Variants in MAPKAP1 observed in about 807,000 individuals in gnomAD.
MAPKAP1 encodes the protein target of rapamycin complex 2 subunit MAPKAP1.
A neutral mutation model predicts 65.7 loss-of-function variants in MAPKAP1; 20 were observed. The ratio of observed to expected loss-of-function variants is 0.30; its 90% CI spans 0.21 to 0.44. The LOEUF (loss-of-function observed/expected upper bound fraction) is 0.44, where lower values mean the gene tolerates loss of function less well. Among genes scored for constraint, MAPKAP1 ranks in the 20% least tolerant of loss-of-function variants. The pLI, the probability that MAPKAP1 is intolerant of heterozygous loss-of-function variation, is 1.00. For synonymous variants in MAPKAP1, 222 were observed against 244.3 expected (o/e 0.91, Z 0.85); for missense variants, 423 against 648.0 (o/e 0.65, Z 3.77).
At chr9:125,512,580 A>AT (rs909302384) in intron 7 of MAPKAP1, among the ~76,000 whole-genome samples, 75 of 148,420 alleles carry the variant, frequency 5.1e-4, no homozygotes, top group African/African-American at 6.7e-4. Flanking sequence ...ATGTATACAT[A>AT]TTTTTTTTTT....
intron 5 of MAPKAP1, among the ~76,000 whole-genome samples, chr9:125,576,583 G>A (rs1831407906): frequency 1.3e-5 from 2 of 152,186 alleles, no homozygotes; most frequent in Non-Finnish European, 2.9e-5. Flanking sequence ...AAGCTGGACT[G>A]TACTGCTGCC....
intron 5 of MAPKAP1, among the ~76,000 whole-genome samples, chr9:125,576,504 C>A (rs943242622): frequency 6.6e-6 from 1 of 150,768 alleles, no homozygotes; most frequent in East Asian, 1.9e-4. Context: ...CTCCCTCTCC[C>A]CACGGTCTCC....
At chr9:125,629,714 A>G (rs557178648) in intron 4 of MAPKAP1, among the ~76,000 whole-genome samples, 5 of 152,338 alleles carry the variant, frequency 3.3e-5, no homozygotes, top group Admixed American at 2.0e-4. Flanking sequence ...TTACTACCAT[A>G]TTGAACACTT....
At chr9:125,441,200 T>C (rs1461715692) in intron 11 of MAPKAP1, among the ~76,000 whole-genome samples, 1 of 152,156 alleles carries the variant, frequency 6.6e-6, no homozygotes, top group African/African-American at 2.4e-5. Flanking sequence ...CCTCCATCAC[T>C]CAATCACGAG....
At chr9:125,513,730 C>T (rs1215474321) in intron 7 of MAPKAP1, among the ~76,000 whole-genome samples, 2 of 152,168 alleles carry the variant, frequency 1.3e-5, no homozygotes, top group African/African-American at 4.8e-5. Flanking sequence ...TTAGGTAGAT[C>T]CCTAGCCTAT....
intron 8 of MAPKAP1, among the ~76,000 whole-genome samples, chr9:125,499,017 G>A (rs551493693): frequency 1.3e-5 from 2 of 152,222 alleles, no homozygotes; most frequent in Admixed American, 6.5e-5. Flanking sequence ...GCTGTTCTAC[G>A]AGCTGTATGA....
At chr9:125,703,682 GA>G (rs1204636627) in intron 1 of MAPKAP1, among the ~76,000 whole-genome samples, 2 of 150,024 alleles carry the variant, frequency 1.3e-5, no homozygotes, top group African/African-American at 2.5e-5. Flanking sequence ...TGAGGCAAGA[GA>G]ATCTCTTGAA....
chr9:125,448,506 T>C (rs904876765), intron 10 of MAPKAP1, among the ~76,000 whole-genome samples: 1 of 152,136 alleles, frequency 6.6e-6, no homozygotes, highest in African/African-American at 2.4e-5. Context: ...CACCTCACAG[T>C]TCATCTCAGG....
chr9:125,556,294 T>C (rs1830732839), intron 6 of MAPKAP1, among the ~76,000 whole-genome samples: 1 of 152,220 alleles, frequency 6.6e-6, no homozygotes, highest in African/African-American at 2.4e-5. Flanking sequence ...CAGCCCACCA[T>C]GCTGTCACCT....
At chr9:125,693,716 T>C (rs1215800371) in intron 1 of MAPKAP1, among the ~76,000 whole-genome samples, 2 of 68,074 alleles carry the variant, frequency 2.9e-5, no homozygotes, top group African/African-American at 8.4e-5. Context: ...TACACATATA[T>C]ACACGTATAT....
intron 3 of MAPKAP1, among the ~76,000 whole-genome samples, chr9:125,665,249 A>G (rs1564608442): frequency 6.6e-6 from 1 of 152,214 alleles, no homozygotes; most frequent in African/African-American, 2.4e-5. Context: ...CGGATGTCAC[A>G]GTGAGCCAAA....
intron 6 of MAPKAP1, among the ~76,000 whole-genome samples, chr9:125,543,936 C>T (rs978380347): frequency 2.0e-5 from 3 of 152,176 alleles, no homozygotes; most frequent in East Asian, 1.9e-4. Context: ...CATGTGGGGC[C>T]GCAGGGCAGT....
At chr9:125,685,890 T>C (rs1464430314) in intron 1 of MAPKAP1, among the ~76,000 whole-genome samples, 1 of 152,208 alleles carries the variant, frequency 6.6e-6, no homozygotes, top group Non-Finnish European at 1.5e-5. Context: ...GTTTAATAGA[T>C]AGGTCTCCCA....
chr9:125,651,511 G>A (rs758432741), intron 4 of MAPKAP1, among the ~76,000 whole-genome samples: 12 of 152,028 alleles, frequency 7.9e-5, no homozygotes, highest in Non-Finnish European at 1.0e-4. Context: ...AGGCTGAGGC[G>A]GGAGAAATCA....
At position 125,444,531 on chromosome 9, in the gene MAPKAP1, G is replaced by A. The variant is rs867847296; in HGVS notation, c.1413C>T (p.Asp471=). The A allele has an allele frequency of 5.0e-6, 8 of 1,613,758 alleles. No homozygotes were observed. The Middle Eastern group carries it at 9.9e-4, about 200-fold the overall frequency. The change falls in exon 11 of 12, where the codon GAC becomes GAT. Residue 471 remains aspartate, a synonymous_variant. Transcript: ENST00000265960. The part of the protein sequence containing the change: ...HDYKHLYFES[D]AATVNEIVLK... ...GCACAATTTCATTGACGGTAGCAGC[G>A]TCCGATTCAAAGTAGAGGTGTTTAT...
intron 7 of MAPKAP1, among the ~76,000 whole-genome samples, chr9:125,515,161 C>T (rs907276271): frequency 6.6e-6 from 1 of 152,066 alleles, no homozygotes; most frequent in African/African-American, 2.4e-5. Flanking sequence ...AGCCAATACA[C>T]CATTTGCTCT....
intron 10 of MAPKAP1, among the ~76,000 whole-genome samples, chr9:125,448,715 A>T (rs762092032): frequency 2.0e-5 from 3 of 152,232 alleles, no homozygotes; most frequent in Non-Finnish European, 4.4e-5. Flanking sequence ...GTAAAAAAAT[A>T]GCTGAGATGC....
At chr9:125,445,715 A>G (rs1028144991) in intron 10 of MAPKAP1, among the ~76,000 whole-genome samples, 3 of 152,000 alleles carry the variant, frequency 2.0e-5, no homozygotes, top group African/African-American at 7.3e-5. Flanking sequence ...GGGCTTTGGG[A>G]CTCCCAGGCT....
At chr9:125,456,978 C>A (rs538448153) in intron 10 of MAPKAP1, among the ~76,000 whole-genome samples, 1 of 149,684 alleles carries the variant, frequency 6.7e-6, no homozygotes, top group East Asian at 2.0e-4. Flanking sequence ...CTAATCTGCT[C>A]CCATTTAGTG....
Sources: allele counts gnomAD v4.1 joint callset (sites outside exome capture counted in the v4.1 genomes callset), GRCh38; gene constraint gnomAD v4.1.1; transcripts MANE v1.5; gene names NCBI Gene and HGNC (gene_info 2026-07-23, HGNC 2026-07-21).